TCTN2: variants seen among roughly 807,000 people sequenced by gnomAD.
TCTN2 encodes tectonic family member 2.
Under a neutral mutation model 83.4 loss-of-function variants are expected in TCTN2, and 66 were observed. The ratio of observed to expected loss-of-function variants is 0.79; its 90% CI spans 0.65 to 0.97. The LOEUF is 0.97. TCTN2 is among the 50% of genes least tolerant of loss of function. The pLI, the probability that TCTN2 is intolerant of heterozygous loss-of-function variation, is 0.00. For missense variants in TCTN2, 794 were observed against 858.1 expected, an observed-to-expected ratio of 0.93 and a Z score of 0.93; for synonymous variants, 301 against 326.7, an observed-to-expected ratio of 0.92 and a Z score of 0.85.
rs754177371 is a variant in TCTN2, at chr12:123,671,592, G to GA, written c.168_169insA (p.Ala57SerfsTer21). ...ACACCGAGGGTGTGACCGTGTCCCTGGCAGTGCTGCAGGACGAGGCGGGTA... is the reference window on the plus strand; with the variant it reads ...ACACCGAGGGTGTGACCGTGTCCCTGAGCAGTGCTGCAGGACGAGGCGGGTA... On this transcript the variant is annotated frameshift_variant, in exon 2 of 18. Transcript: ENST00000303372. LOFTEE classifies it high-confidence loss of function. The GA allele has an allele frequency of 6.2e-7, 1 of 1,613,502 alleles. No homozygotes were observed. Among genetic ancestry groups the GA allele is most frequent in the South Asian group, 1.1e-5 (1 of 91,084 alleles).
intron 5 of TCTN2, among the ~76,000 whole-genome samples, chr12:123,685,405 A>G (rs1463266703): frequency 6.6e-6 from 1 of 152,208 alleles, no homozygotes; most frequent in Non-Finnish European, 1.5e-5. Flanking sequence ...AAAAATACAG[A>G]TGAATATCTG....
chr12:123,678,767 G>A (rs1211381740), intron 4 of TCTN2, among the ~76,000 whole-genome samples: 11 of 151,266 alleles, frequency 7.3e-5, no homozygotes, highest in Non-Finnish European at 1.5e-4. Context: ...CAAATATTTG[G>A]TAATAATGAT....
At chr12:123,683,361 ACCTCTGCCT>A (rs1289603357) in intron 5 of TCTN2, among the ~76,000 whole-genome samples, 1 of 150,618 alleles carries the variant, frequency 6.6e-6, no homozygotes, top group East Asian at 2.0e-4. Flanking sequence ...GCTCACTGCA[ACCTCTGCCT>A]CCTGGCTTCA....
intron 13 of TCTN2, among the ~76,000 whole-genome samples, chr12:123,697,571 C>T (rs544976279): frequency 6.6e-6 from 1 of 152,264 alleles, no homozygotes; most frequent in East Asian, 1.9e-4. Context: ...GCGATCTCGG[C>T]TCATTGCAGC....
At chr12:123,677,721 G>A (rs982953231) in intron 4 of TCTN2, among the ~76,000 whole-genome samples, 1 of 152,050 alleles carries the variant, frequency 6.6e-6, no homozygotes, top group African/African-American at 2.4e-5. Context: ...GCACCACAGT[G>A]TTCCCCCTAT....
rs1956248394 is a variant in TCTN2 at position 123,707,753 on chromosome 12, C to T, written c.*40C>T. ...TTTATTTTTTTGAGATGGAGTTTTG[C>T]TCTTGTTGCCCAGGCTGAAGTGATC... On this transcript the variant is annotated 3_prime_UTR_variant, in exon 18 of 18. Coordinates refer to ENST00000303372, the MANE Select transcript of TCTN2 (RefSeq NM_024809.5). 1 of 1,509,696 alleles carries T rather than the reference C, an allele frequency of 6.6e-7. No homozygotes were observed. The highest frequency in any genetic ancestry group is 1.4e-5 in the African/African-American group (1 of 72,852). The allele number at this position is 1,509,696 out of a possible 1,614,324, so 93.5% of individuals were successfully genotyped here. A position where few individuals can be genotyped will look rare whatever the true frequency, so the allele number is the denominator to read the frequency against.
intron 4 of TCTN2, among the ~76,000 whole-genome samples, chr12:123,677,219 G>C (rs1955834353): frequency 6.6e-6 from 1 of 152,124 alleles, no homozygotes; most frequent in African/African-American, 2.4e-5. Flanking sequence ...GTGTCACATG[G>C]GTTTGATAAC....
At chr12:123,689,839 G>A (rs1037113118) in intron 7 of TCTN2, among the ~76,000 whole-genome samples, 3 of 152,072 alleles carry the variant, frequency 2.0e-5, no homozygotes, top group Non-Finnish European at 2.9e-5. Context: ...TTGCTCTGTC[G>A]CCCAGGCTGG....
At chr12:123,682,987 G>C (rs1411587225) in intron 5 of TCTN2, among the ~76,000 whole-genome samples, 2 of 151,812 alleles carry the variant, frequency 1.3e-5, no homozygotes, top group Non-Finnish European at 2.9e-5. Flanking sequence ...ACTTTGGGAA[G>C]CCGAGGTGGG....
chr12:123,686,025 G>T (rs1258005329), intron 5 of TCTN2, among the ~76,000 whole-genome samples: 1 of 151,574 alleles, frequency 6.6e-6, no homozygotes, highest in East Asian at 1.9e-4. Context: ...TGCACTGCGT[G>T]CAGTCCAAGT....
intron 5 of TCTN2, among the ~76,000 whole-genome samples, chr12:123,685,046 T>A (rs1955947223): frequency 6.9e-6 from 1 of 145,908 alleles, no homozygotes; most frequent in Admixed American, 6.9e-5. Flanking sequence ...CGAGACTCCA[T>A]CTCAAAAAAA....
At chr12:123,699,475 C>A (rs1956146793) in intron 13 of TCTN2, among the ~76,000 whole-genome samples, 1 of 151,924 alleles carries the variant, frequency 6.6e-6, no homozygotes, top group South Asian at 2.1e-4. Context: ...CATTTTAAGT[C>A]TAAAGTAAAA....
chr12:123,685,585 A>C (rs965250787), intron 5 of TCTN2, among the ~76,000 whole-genome samples: 11 of 151,478 alleles, frequency 7.3e-5, no homozygotes, highest in African/African-American at 2.4e-4. Flanking sequence ...CGCCTGGCTA[A>C]TTTTTTTATT....
intron 8 of TCTN2, among the ~76,000 whole-genome samples, chr12:123,692,402 T>C (rs1956054338): frequency 6.6e-6 from 1 of 152,208 alleles, no homozygotes; most frequent in South Asian, 2.1e-4. Flanking sequence ...GAACTGCATA[T>C]TTGTTTTTAT....
chr12:123,704,892 A>G (rs1956212605), intron 15 of TCTN2, among the ~76,000 whole-genome samples: 1 of 152,168 alleles, frequency 6.6e-6, no homozygotes, highest in African/African-American at 2.4e-5. Context: ...ATAAAGCCAT[A>G]TGTAAGAGAG....
At chr12:123,702,472 T>TA (rs1956183576) in intron 14 of TCTN2, among the ~76,000 whole-genome samples, 1 of 152,182 alleles carries the variant, frequency 6.6e-6, no homozygotes. Flanking sequence ...GATAATGTGA[T>TA]ATGTCTGTGA....
intron 5 of TCTN2, among the ~76,000 whole-genome samples, chr12:123,680,682 AATTTTTGT>A (rs1252080305): frequency 6.6e-6 from 1 of 151,214 alleles, no homozygotes; most frequent in Non-Finnish European, 1.5e-5. Flanking sequence ...ACACCTGGCT[AATTTTTGT>A]ATTTTTAGTA....
rs1956028848 is a variant in TCTN2, at chr12:123,690,566, C to T, written c.925C>T (p.Pro309Ser). ...GGCTGGGCAGTGTATGCAGAACGCC[C>T]CAGTGGCATTTCTTCACAATTTTGA... is the stretch of plus-strand genomic sequence containing the variant. ...SLAGQCMQNA[P>S]VAFLHNFDVK... is the part of the protein sequence containing the mutation. The change falls in exon 8 of 18, where the codon CCA becomes TCA. Residue 309 changes from proline (P) to serine (S), a missense_variant. Physicochemically the swap from Pro to Ser is moderately conservative, Grantham distance 74 (BLOSUM62 -1). Transcript: ENST00000303372. The T allele has an allele frequency of 6.2e-7, 1 of 1,614,054 alleles. No homozygotes were observed.
chr12:123,699,911 G>A (rs2135853147), intron 14 of TCTN2, 101 bp downstream of exon 14: 1 of 922,024 alleles, frequency 1.1e-6, no homozygotes, highest in Non-Finnish European at 1.8e-6. Flanking sequence ...ATCTTCCTGA[G>A]GCTTGACTGC....
Sources: allele counts gnomAD v4.1 joint callset (sites outside exome capture counted in the v4.1 genomes callset), GRCh38; gene constraint gnomAD v4.1.1; transcripts MANE v1.5; gene names NCBI Gene and HGNC (gene_info 2026-07-23, HGNC 2026-07-21).